The following SOX5 variants were observed in gnomAD, a reference collection of about 807,000 sequenced individuals.
The protein encoded by SOX5 is SRY-box transcription factor 5.
In SOX5, 9 loss-of-function variants were observed where a neutral mutation model predicts 92.0. The observed-to-expected ratio is 0.10, with a 90% CI of 0.06 to 0.17. The LOEUF is 0.17. SOX5 is among the 10% of genes least tolerant of loss of function. The pLI, the probability that SOX5 is intolerant of heterozygous loss-of-function variation, is 1.00. For synonymous variants in SOX5, 344 were observed against 336.3 expected (o/e 1.02, Z -0.25); for missense variants, 642 against 944.5 (o/e 0.68, Z 4.20).
intron 1 of SOX5, among the ~76,000 whole-genome samples, chr12:24,436,610 C>T (rs376620570): frequency 2.5e-4 from 38 of 152,328 alleles, no homozygotes; most frequent in African/African-American, 7.5e-4. Context: ...GGGGAAGCAG[C>T]GAGTGCTGAT....
chr12:24,411,605 C>T, intron 1 of SOX5, among the ~76,000 whole-genome samples: 1 of 152,144 alleles, frequency 6.6e-6, no homozygotes, highest in South Asian at 2.1e-4. Flanking sequence ...TACTGAATTA[C>T]ACTGATGGTT....
At chr12:24,478,527 C>T (rs1945630009) in intron 1 of SOX5, among the ~76,000 whole-genome samples, 1 of 152,166 alleles carries the variant, frequency 6.6e-6, no homozygotes, top group Admixed American at 6.5e-5. Context: ...GGGATGAGGG[C>T]CAATCCCTCA....
Position 24,452,875 on chromosome 12 carries a change from T to C in SOX5, c.-250-84236A>G, listed in dbSNP as rs139880776. Among the ~76,000 whole-genome samples, 498 of 152,296 alleles carry C rather than the reference T, an allele frequency of 3.3e-3. 5 individuals carry two copies. The highest frequency in any genetic ancestry group is 0.011 in the African/African-American group (437 of 41,562). ...GTTAGAATTGAGCATATTCTTCCTT[T>C]GATTTATGAGAACATTCAGGGAATA... is the stretch of plus-strand genomic sequence containing the variant. On this transcript the variant is annotated intron_variant, in intron 1 of 4. Transcript: ENST00000446891.
At chr12:23,889,420 T>A (rs997767990) in intron 2 of SOX5, among the ~76,000 whole-genome samples, 1 of 152,186 alleles carries the variant, frequency 6.6e-6, no homozygotes, top group African/African-American at 2.4e-5. Context: ...CATAACACCA[T>A]CCTAGTCAAA....
At chr12:24,555,490 C>A (rs1479589243) in intron 1 of SOX5, among the ~76,000 whole-genome samples, 1 of 152,156 alleles carries the variant, frequency 6.6e-6, no homozygotes, top group East Asian at 1.9e-4. Context: ...TATTTACAAT[C>A]ACCTGATAAA....
At chr12:24,446,662 G>A (rs1012967230) in intron 1 of SOX5, among the ~76,000 whole-genome samples, 8 of 152,184 alleles carry the variant, frequency 5.3e-5, no homozygotes, top group African/African-American at 1.7e-4. Context: ...TGATTAGAAT[G>A]GAATTTCAGA....
intron 1 of SOX5, among the ~76,000 whole-genome samples, chr12:24,371,914 G>T (rs1314962694): frequency 6.6e-6 from 1 of 151,978 alleles, no homozygotes; most frequent in Admixed American, 6.6e-5. Flanking sequence ...CTTGAACCCA[G>T]GAAGTGGAGG....
intron 1 of SOX5, among the ~76,000 whole-genome samples, chr12:24,549,798 C>G (rs981607218): frequency 1.3e-5 from 2 of 152,184 alleles, no homozygotes; most frequent in African/African-American, 4.8e-5. Context: ...GTGTGGTACC[C>G]AGGCACTCTG....
chr12:23,838,016 A>T (rs1465671621), intron 3 of SOX5, among the ~76,000 whole-genome samples: 2 of 108,158 alleles, frequency 1.8e-5, no homozygotes, highest in African/African-American at 8.0e-5. Context: ...ATATTTATAT[A>T]ATATATATAC....
At chr12:24,383,288 A>G (rs1958018740) in intron 1 of SOX5, among the ~76,000 whole-genome samples, 1 of 152,210 alleles carries the variant, frequency 6.6e-6, no homozygotes, top group African/African-American at 2.4e-5. Flanking sequence ...AAAAATCACA[A>G]CTACCTTTAT....
At chr12:24,196,378 A>G (rs964965068) in intron 4 of SOX5, among the ~76,000 whole-genome samples, 1 of 152,274 alleles carries the variant, frequency 6.6e-6, no homozygotes, top group Non-Finnish European at 1.5e-5. Flanking sequence ...GTGCTGAGTT[A>G]GAATTCCTGT....
chr12:23,732,012 A>G (rs1359332656), intron 6 of SOX5, among the ~76,000 whole-genome samples: 2 of 152,224 alleles, frequency 1.3e-5, no homozygotes, highest in Non-Finnish European at 2.9e-5. Flanking sequence ...GAGTATTTTC[A>G]AATATCAAAT....
chr12:24,007,198 A>T (rs1380618274), intron 4 of SOX5, among the ~76,000 whole-genome samples: 2 of 58,354 alleles, frequency 3.4e-5, no homozygotes, highest in Non-Finnish European at 6.7e-5. Flanking sequence ...AATGTATATA[A>T]ATGTATTTAT....
chr12:23,850,272 T>C (rs571622570), intron 2 of SOX5, among the ~76,000 whole-genome samples: 3 of 151,632 alleles, frequency 2.0e-5, no homozygotes, highest in Non-Finnish European at 2.9e-5. Flanking sequence ...CTACTATAAA[T>C]ACAAAAATTA....
chr12:23,621,293 A>G (rs1481382077), intron 8 of SOX5, among the ~76,000 whole-genome samples: 1 of 152,074 alleles, frequency 6.6e-6, no homozygotes, highest in Admixed American at 6.6e-5. Context: ...GGGATGGGGG[A>G]AGAGGAAATA....
intron 3 of SOX5, among the ~76,000 whole-genome samples, chr12:24,214,635 T>C (rs1038556678): frequency 2.0e-5 from 3 of 151,990 alleles, no homozygotes; most frequent in Non-Finnish European, 4.4e-5. Flanking sequence ...GCTTATCAAT[T>C]TTTTGTCTTA....
chr12:23,822,943 C>T (rs1568068987), intron 3 of SOX5, among the ~76,000 whole-genome samples: 1 of 151,608 alleles, frequency 6.6e-6, no homozygotes, highest in African/African-American at 2.4e-5. Context: ...ACTAGGACTG[C>T]TTTTTTTTGC....
At chr12:24,373,197 T>C (rs1304062793) in intron 1 of SOX5, among the ~76,000 whole-genome samples, 3 of 152,216 alleles carry the variant, frequency 2.0e-5, no homozygotes, top group African/African-American at 4.8e-5. Flanking sequence ...GTGGGGATCA[T>C]TGAAAAGGAA....
intron 4 of SOX5, among the ~76,000 whole-genome samples, chr12:24,029,990 T>C (rs144943061): frequency 1.3e-5 from 2 of 152,038 alleles, no homozygotes; most frequent in African/African-American, 2.4e-5. Context: ...TTCATTCTCA[T>C]TGCAACCTTA....
Sources: allele counts gnomAD v4.1 joint callset (sites outside exome capture counted in the v4.1 genomes callset), GRCh38; gene constraint gnomAD v4.1.1; transcripts MANE v1.5; gene names NCBI Gene and HGNC (gene_info 2026-07-23, HGNC 2026-07-21).